Variants in RPS6KA6 observed in about 807,000 individuals in gnomAD.
RPS6KA6 encodes the protein ribosomal protein S6 kinase alpha-6.
Under a neutral mutation model 65.4 loss-of-function variants are expected in RPS6KA6, and 27 were observed. The ratio of observed to expected loss-of-function variants is 0.41; its 90% CI spans 0.30 to 0.57. The LOEUF (loss-of-function observed/expected upper bound fraction) is 0.57. Among genes scored for constraint, RPS6KA6 ranks in the 20% least tolerant of loss-of-function variants. RPS6KA6 has a pLI of 0.24. For missense variants in RPS6KA6, 486 were observed against 555.6 expected (o/e 0.87, Z 1.26); for synonymous variants, 190 against 184.2 (o/e 1.03, Z -0.26).
chrX:84,143,290 T>C (rs1323664940), intron 6 of RPS6KA6, among the ~76,000 whole-genome samples: 2 of 111,073 alleles, frequency 1.8e-5, no homozygotes, highest in African/African-American at 3.3e-5. Context: ...CTCTCAAAAA[T>C]AGTTACAGAA....
chrX:84,147,183 C>T (rs992670333), intron 4 of RPS6KA6, 125 bp from the exon 5 acceptor site: 4 of 410,934 alleles, frequency 9.7e-6, no homozygotes, highest in Non-Finnish European at 1.3e-5. Context: ...CCGAAATTTG[C>T]AGTTTTCATA....
At chrX:84,130,402 G>T (rs1044019372) in intron 8 of RPS6KA6, among the ~76,000 whole-genome samples, 1 of 111,546 alleles carries the variant, frequency 9.0e-6, no homozygotes, top group African/African-American at 3.3e-5. Context: ...CATTGTGGGT[G>T]GGTATACAAA....
intron 1 of RPS6KA6, among the ~76,000 whole-genome samples, chrX:84,174,539 G>A (rs1454820103): frequency 1.8e-5 from 2 of 111,913 alleles, no homozygotes; most frequent in African/African-American, 6.5e-5. Flanking sequence ...TGTTGTAAAA[G>A]CAGTTAGCTG....
intron 21 of RPS6KA6, 47 bp from the exon 22 acceptor site, chrX:84,064,449 TAA>T (rs35061036): frequency 4.0e-3 from 3,656 of 904,775 alleles, no homozygotes; most frequent in East Asian, 6.9e-3. Flanking sequence ...ATTCTGGAGT[TAA>T]AAAAAAAAAA....
intron 20 of RPS6KA6, 126 bp from the exon 21 acceptor site, chrX:84,065,237 T>G: frequency 4.7e-6 from 2 of 428,445 alleles, no homozygotes; most frequent in Non-Finnish European, 7.9e-6. Flanking sequence ...TTATGCAAAG[T>G]AAAATCTATA....
In RPS6KA6 at chrX:84,106,861, A is replaced by G. The variant is rs748301839; in HGVS notation, c.1242+49T>C. 22 of 1,010,618 alleles carry G rather than the reference A, an allele frequency of 2.2e-5. No individual in the cohort carries two copies. The South Asian group carries it at 4.9e-4, about 23-fold the overall frequency. 83.3% of individuals were successfully genotyped at this position (1,010,618 alleles called of 1,213,427 possible). ...CGATTAAAAATACATCAGCAATAACAGAGAAATAATTATCCCAAAACTGAA... is the reference window on the plus strand; with the variant it reads ...CGATTAAAAATACATCAGCAATAACGGAGAAATAATTATCCCAAAACTGAA... On this transcript the variant is annotated intron_variant, in intron 14 of 21. Coordinates refer to ENST00000262752, the MANE Select transcript of RPS6KA6 (RefSeq NM_014496.5).
At chrX:84,175,479 G>A (rs1168236121) in intron 1 of RPS6KA6, among the ~76,000 whole-genome samples, 1 of 111,335 alleles carries the variant, frequency 9.0e-6, no homozygotes, top group African/African-American at 3.3e-5. Flanking sequence ...TATTTACATA[G>A]CATTTATATG....
chrX:84,064,532 T>C, intron 21 of RPS6KA6, 130 bp from the exon 22 acceptor site: 1 of 589,646 alleles, frequency 1.7e-6, no homozygotes, highest in Non-Finnish European at 2.5e-6. Flanking sequence ...TTGAATATAT[T>C]AGATCTGTGC....
intron 12 of RPS6KA6, among the ~76,000 whole-genome samples, chrX:84,109,476 C>T (rs1439061969): frequency 2.7e-5 from 3 of 111,332 alleles, no homozygotes; most frequent in African/African-American, 9.8e-5. Flanking sequence ...CTCCCACAGG[C>T]CTGTGATCAG....
At chrX:84,163,650 A>AT (rs1390479026) in intron 2 of RPS6KA6, among the ~76,000 whole-genome samples, 17 of 106,762 alleles carry the variant, frequency 1.6e-4, no homozygotes, top group African/African-American at 5.4e-4. Context: ...CGTCTCAAAA[A>AT]AAAAAAAAAA....
chrX:84,130,153 T>G (rs1488245711), intron 8 of RPS6KA6, among the ~76,000 whole-genome samples: 3 of 110,966 alleles, frequency 2.7e-5, no homozygotes, highest in African/African-American at 9.8e-5. Context: ...AAATTTAAAT[T>G]TTAAAAAATA....
rs963216222 is a variant in RPS6KA6, at chrX:84,085,339, A to G, written c.1971+10855T>C. On this transcript the variant is annotated intron_variant, in intron 20 of 21. Coordinates refer to ENST00000262752, the MANE Select transcript of RPS6KA6 (RefSeq NM_014496.5). Reference sequence around the variant, plus strand: ...ATGATATTGGCTGTAGGTTTCTCATATTATTTTCTTAACATTTTGAGGCAT... The same window carrying G: ...ATGATATTGGCTGTAGGTTTCTCATGTTATTTTCTTAACATTTTGAGGCAT... Among the ~76,000 whole-genome samples, 11 of 111,335 alleles carry G rather than the reference A, an allele frequency of 9.9e-5. 1 individual carries two copies. Among genetic ancestry groups the G allele is most frequent in the Non-Finnish European group, 1.7e-4 (9 of 53,060 alleles).
intron 20 of RPS6KA6, among the ~76,000 whole-genome samples, chrX:84,066,828 G>A (rs1569365349): frequency 1.8e-5 from 2 of 111,755 alleles, no homozygotes; most frequent in South Asian, 3.7e-4. Context: ...CTCTTGACTG[G>A]GAGAGACCTC....
chrX:84,147,142 T>C, intron 4 of RPS6KA6, 84 bp from the exon 5 acceptor site: 1 of 551,934 alleles, frequency 1.8e-6, no homozygotes, highest in Non-Finnish European at 2.9e-6. Flanking sequence ...AAACAACAAA[T>C]ATAAAAATAC....
chrX:84,157,470 A>G (rs930478809), intron 2 of RPS6KA6, among the ~76,000 whole-genome samples: 2 of 111,640 alleles, frequency 1.8e-5, no homozygotes, highest in Admixed American at 9.5e-5. Context: ...TCCTTTTTTA[A>G]AAAAGTAAAC....
At chrX:84,084,805 G>C (rs1390296477) in intron 20 of RPS6KA6, among the ~76,000 whole-genome samples, 1 of 112,071 alleles carries the variant, frequency 8.9e-6, no homozygotes. Flanking sequence ...TGGTCAGTAT[G>C]GCCACTTTCA....
chrX:84,118,061 T>C (rs2034602235), intron 9 of RPS6KA6, among the ~76,000 whole-genome samples: 1 of 111,878 alleles, frequency 8.9e-6, no homozygotes, highest in East Asian at 2.8e-4. Flanking sequence ...TGTGACTAAC[T>C]AGAACATTAA....
intron 1 of RPS6KA6, among the ~76,000 whole-genome samples, chrX:84,182,055 TCTCTCTCTCACACA>T (rs1425617556): frequency 1.4e-4 from 13 of 92,985 alleles, no homozygotes; most frequent in East Asian, 1.0e-3. Flanking sequence ...TCTCTCTCTC[TCTCTCTCTCACACA>T]CACACACACA....
At chrX:84,139,910 A>G (rs905050178) in intron 6 of RPS6KA6, among the ~76,000 whole-genome samples, 1 of 111,943 alleles carries the variant, frequency 8.9e-6, no homozygotes, top group African/African-American at 3.2e-5. Context: ...GTGGTAGTAC[A>G]GGGAGGGCTA....
Sources: gnomAD v4.1 joint callset for allele counts (sites outside exome capture counted in the v4.1 genomes callset) on GRCh38, gnomAD v4.1.1 for gene constraint, MANE v1.5 for transcripts, NCBI Gene and HGNC (gene_info 2026-07-23, HGNC 2026-07-21) for gene names.